The following ADGRV1 variants were observed in gnomAD, a reference collection of about 807,000 sequenced individuals.
ADGRV1 encodes G-protein coupled receptor 98.
Under a neutral mutation model 596.2 loss-of-function variants are expected in ADGRV1, and 359 were observed. That is an observed-to-expected ratio of 0.60 (90% CI 0.55 to 0.66). The LOEUF is 0.66. ADGRV1 is among the 30% of genes least tolerant of loss of function. The pLI, the probability that ADGRV1 is intolerant of heterozygous loss-of-function variation, is 0.00. For synonymous variants in ADGRV1, 2,681 were observed against 2,679.2 expected (o/e 1.00, Z -0.02); for missense variants, 7,274 against 7,575.6 (o/e 0.96, Z 1.48).
chr5:90,603,069 C>T (rs931997563), intron 1 of ADGRV1, among the ~76,000 whole-genome samples: 2 of 152,140 alleles, frequency 1.3e-5, no homozygotes, highest in African/African-American at 2.4e-5. Context: ...TACTGTTCTC[C>T]TTCTCTGAGA....
At chr5:90,795,950 C>T (rs1265289007) in intron 70 of ADGRV1, among the ~76,000 whole-genome samples, 1 of 152,178 alleles carries the variant, frequency 6.6e-6, no homozygotes, top group Non-Finnish European at 1.5e-5. Flanking sequence ...GCAGCACATC[C>T]ACTCAGAGAC....
intron 83 of ADGRV1, among the ~76,000 whole-genome samples, chr5:90,896,552 G>A (rs1415046089): frequency 1.3e-5 from 2 of 152,014 alleles, no homozygotes; most frequent in Non-Finnish European, 2.9e-5. Context: ...TGGAACTATA[G>A]GTGTGAGCCA....
intron 83 of ADGRV1, among the ~76,000 whole-genome samples, chr5:90,883,755 A>T (rs185345185): frequency 1.3e-5 from 2 of 152,134 alleles, no homozygotes; most frequent in African/African-American, 4.8e-5. Flanking sequence ...GTCCATGTGC[A>T]TATCATCCTT....
chr5:90,778,695 TA>T, intron 63 of ADGRV1, 86 bp downstream of exon 63: 1 of 1,175,182 alleles, frequency 8.5e-7, no homozygotes, highest in South Asian at 2.0e-5. Context: ...AGAGTTTTCA[TA>T]AACTGATTAA....
At chr5:91,113,924 AAG>A (rs1433782892) in intron 87 of ADGRV1, among the ~76,000 whole-genome samples, 4 of 150,200 alleles carry the variant, frequency 2.7e-5, no homozygotes, top group African/African-American at 4.9e-5. Context: ...ATCTCAAAAA[AAG>A]AGAAAAAAAA....
At chr5:91,010,355 A>C (rs1347125724) in intron 85 of ADGRV1, among the ~76,000 whole-genome samples, 7 of 152,124 alleles carry the variant, frequency 4.6e-5, no homozygotes, top group African/African-American at 1.4e-4. Flanking sequence ...TCAACTATAC[A>C]CAAAGGCTAT....
intron 83 of ADGRV1, among the ~76,000 whole-genome samples, chr5:90,916,549 A>T (rs574719231): frequency 6.6e-6 from 1 of 151,926 alleles, no homozygotes; most frequent in African/African-American, 2.4e-5. Context: ...CACAGTGTAC[A>T]TATTATTCGA....
chr5:90,670,899 A>G (rs768395406), intron 21 of ADGRV1, among the ~76,000 whole-genome samples: 4 of 152,202 alleles, frequency 2.6e-5, no homozygotes, highest in Admixed American at 2.6e-4. Flanking sequence ...AAGCACCATC[A>G]TCTGAAGGCA....
intron 82 of ADGRV1, among the ~76,000 whole-genome samples, chr5:90,860,985 A>C (rs1767497650): frequency 6.6e-6 from 1 of 152,150 alleles, no homozygotes; most frequent in Non-Finnish European, 1.5e-5. Context: ...GTATATATGT[A>C]ATTTATGTAC....
chr5:90,847,584 A>T (rs1054133531), intron 78 of ADGRV1, among the ~76,000 whole-genome samples: 6 of 152,034 alleles, frequency 3.9e-5, no homozygotes, highest in Non-Finnish European at 8.8e-5. Context: ...CTTGTCAGGG[A>T]GGCTTGGGCT....
In ADGRV1 at chr5:91,020,391, A is replaced by G. The variant is rs146418587; in HGVS notation, c.18152+34869A>G. 3.4e-4 allele frequency among the ~76,000 whole-genome samples: 51 copies of G among 152,196 alleles called. 1 individual carries two copies. The highest frequency in any genetic ancestry group is 1.2e-3 in the African/African-American group (51 of 41,560). ...ATTTGCCAGATAGCTTCCATTACAT[A>G]TGACTTTTCATTTTAGAAAGTACTT... On this transcript the variant is annotated intron_variant, in intron 85 of 89. Transcript: ENST00000405460.
At chr5:90,907,393 A>T (rs1024522319) in intron 83 of ADGRV1, among the ~76,000 whole-genome samples, 1 of 152,166 alleles carries the variant, frequency 6.6e-6, no homozygotes, top group South Asian at 2.1e-4. Context: ...CTAATTTGCT[A>T]CTTAAAAATT....
chr5:90,690,459 A>T lies in ADGRV1; in HGVS notation c.6707-338A>T, dbSNP rs112651636. On this transcript the variant is annotated intron_variant, in intron 30 of 89. Transcript: ENST00000405460. ...GGCAATATCAAGTTCCCTTTCCTGC[A>T]TAACATCAGTCATGGGAACCAAATA... Among the ~76,000 whole-genome samples, 26 of 152,298 alleles carry T rather than the reference A, an allele frequency of 1.7e-4. 1 individual carries two copies. The highest frequency in any genetic ancestry group is 6.0e-4 in the African/African-American group (25 of 41,564).
Position 90,773,168 on chromosome 5 carries a change from CAA to C in ADGRV1, c.12286-1003_12286-1002del, listed in dbSNP as rs36098858. Reference sequence around the variant, plus strand: ...TGGGTGACAGAGTGAGACCCTGTCTCAAAAAAAAAAAAAAAATACATTGAGTC... The same window carrying C: ...TGGGTGACAGAGTGAGACCCTGTCTCAAAAAAAAAAAAAATACATTGAGTC... On this transcript the variant is annotated intron_variant, in intron 59 of 89. Coordinates refer to ENST00000405460, the MANE Select transcript of ADGRV1 (RefSeq NM_032119.4). 2.0e-3 allele frequency among the ~76,000 whole-genome samples: 267 copies of C among 133,372 alleles called. 3 individuals are homozygous for C. The highest frequency in any genetic ancestry group is 3.1e-3 in the Admixed American group (43 of 13,870). The allele number at this position is 133,372 out of a possible 152,430, so 87.5% of individuals were successfully genotyped here.
At chr5:90,972,625 G>T (rs1210949668) in intron 84 of ADGRV1, among the ~76,000 whole-genome samples, 6 of 152,110 alleles carry the variant, frequency 3.9e-5, no homozygotes, top group Non-Finnish European at 8.8e-5. Flanking sequence ...CGAAGTGAAG[G>T]CAGAAATAAA....
In ADGRV1 at chr5:90,942,427, T is replaced by C. The variant is rs569096558; in HGVS notation, c.17857-22988T>C. Among the ~76,000 whole-genome samples the C allele has an allele frequency of 2.3e-4, 35 of 152,280 alleles. No individual in the cohort carries two copies. In the South Asian group the frequency reaches 4.1e-3, roughly 18 times the overall value. On this transcript the variant is annotated intron_variant, in intron 83 of 89. Transcript: ENST00000405460. Reference sequence around the variant, plus strand: ...AAAGGAGAGAGGAGAGGGAATAGTATGAAATAGTTATGGAAGATTGGAGAG... The same window carrying C: ...AAAGGAGAGAGGAGAGGGAATAGTACGAAATAGTTATGGAAGATTGGAGAG...
chr5:90,967,890 AAC>A (rs1243851808), intron 84 of ADGRV1, among the ~76,000 whole-genome samples: 1 of 152,246 alleles, frequency 6.6e-6, no homozygotes, highest in Admixed American at 6.5e-5. Context: ...CTACAAAAAC[AAC>A]ACACACCTAG....
intron 83 of ADGRV1, among the ~76,000 whole-genome samples, chr5:90,945,782 T>A (rs1776522331): frequency 6.6e-6 from 1 of 151,868 alleles, no homozygotes; most frequent in East Asian, 1.9e-4. Flanking sequence ...GCCCAGGAGA[T>A]TGAGAAGAGC....
At chr5:90,818,103 G>A (rs1393169123) in intron 75 of ADGRV1, among the ~76,000 whole-genome samples, 1 of 147,788 alleles carries the variant, frequency 6.8e-6, no homozygotes, top group Non-Finnish European at 1.5e-5. Flanking sequence ...GCAGTGGTTT[G>A]TAGTTCTCCT....
Sources: gnomAD v4.1 joint callset for allele counts (sites outside exome capture counted in the v4.1 genomes callset) on GRCh38, gnomAD v4.1.1 for gene constraint, MANE v1.5 for transcripts, NCBI Gene and HGNC (gene_info 2026-07-23, HGNC 2026-07-21) for gene names.